Variants in GALNT13 observed in about 807,000 individuals in gnomAD.
The protein encoded by GALNT13 is UDP-GalNAc:polypeptide N-acetylgalactosaminyltransferase 13.
A neutral mutation model predicts 64.2 loss-of-function variants in GALNT13; 28 were observed. The ratio of observed to expected loss-of-function variants is 0.44; its 90% CI spans 0.32 to 0.60. The LOEUF is 0.60. Among genes scored for constraint, GALNT13 ranks in the 20% least tolerant of loss-of-function variants. The pLI is 0.05. For synonymous variants in GALNT13, 214 were observed against 224.6 expected (o/e 0.95, Z 0.42); for missense variants, 577 against 669.8 (o/e 0.86, Z 1.53).
the GALNT13 span, among the ~76,000 whole-genome samples, chr2:153,521,104 C>T: frequency 0.031 from 4,779 of 152,190 alleles, 234 homozygotes; most frequent in African/African-American, 0.11. Context: ...CACCTGAAAG[C>T]GCCATATAAA....
At chr2:154,346,141 G>A (rs986168741) in intron 9 of GALNT13, among the ~76,000 whole-genome samples, 1 of 151,688 alleles carries the variant, frequency 6.6e-6, no homozygotes, top group Non-Finnish European at 1.5e-5. Flanking sequence ...ACCTTGCTCA[G>A]TTTTAATATT....
At chr2:153,192,344 T>C in the GALNT13 span, among the ~76,000 whole-genome samples, 1 of 152,164 alleles carries the variant, frequency 6.6e-6, no homozygotes, top group South Asian at 2.1e-4. Flanking sequence ...TTATACAGTT[T>C]TCAAAGTTTC....
rs115843871 is a variant in GALNT13, at chr2:153,981,209, A to G, written c.142+36570A>G. On this transcript the variant is annotated intron_variant, in intron 3 of 12. Transcript: ENST00000392825. ...ATTGTGTTCATCCTTGTGATATTTTAGAAATATAGTTTTTTTATTATACTT... is the reference window on the plus strand; with the variant it reads ...ATTGTGTTCATCCTTGTGATATTTTGGAAATATAGTTTTTTTATTATACTT... Among the ~76,000 whole-genome samples the G allele has an allele frequency of 2.1e-3, 327 of 152,178 alleles. 1 individual carries two copies. Among genetic ancestry groups the G allele is most frequent in the African/African-American group, 7.1e-3 (294 of 41,556 alleles).
chr2:153,569,155 T>C, the GALNT13 span, among the ~76,000 whole-genome samples: 1 of 152,202 alleles, frequency 6.6e-6, no homozygotes, highest in Non-Finnish European at 1.5e-5. Flanking sequence ...TTATGTTAAA[T>C]GCTAGTAGAA....
At chr2:154,281,901 C>T (rs1436544508) in intron 8 of GALNT13, among the ~76,000 whole-genome samples, 1 of 151,730 alleles carries the variant, frequency 6.6e-6, no homozygotes, top group Admixed American at 6.6e-5. Context: ...GATTGAGAGG[C>T]ATCCTTTAAA....
chr2:154,300,122 T>G (rs1470420758), intron 8 of GALNT13, among the ~76,000 whole-genome samples: 2 of 104,488 alleles, frequency 1.9e-5, no homozygotes, highest in African/African-American at 7.0e-5. Flanking sequence ...TTTTTTGAGA[T>G]AGAGTTTCGC....
At chr2:153,323,084 A>C in the GALNT13 span, among the ~76,000 whole-genome samples, 1 of 152,202 alleles carries the variant, frequency 6.6e-6, no homozygotes, top group Non-Finnish European at 1.5e-5. Flanking sequence ...ACTGTCTTCC[A>C]CAATAGTTGA....
the GALNT13 span, among the ~76,000 whole-genome samples, chr2:153,131,381 G>A: frequency 1.7e-4 from 25 of 151,480 alleles, no homozygotes; most frequent in Non-Finnish European, 4.4e-5. Flanking sequence ...TAAATTGATG[G>A]GTGACTTCAT....
chr2:153,142,364 A>C, the GALNT13 span, among the ~76,000 whole-genome samples: 1 of 152,016 alleles, frequency 6.6e-6, no homozygotes, highest in Non-Finnish European at 1.5e-5. Flanking sequence ...TGATAAACAC[A>C]TGGAGGAAGG....
intron 11 of GALNT13, among the ~76,000 whole-genome samples, chr2:154,424,185 C>T (rs1304069496): frequency 6.6e-6 from 1 of 151,922 alleles, no homozygotes; most frequent in East Asian, 1.9e-4. Context: ...TGATGGAAAA[C>T]CTAATGAAAT....
At chr2:154,428,166 A>G (rs1700550893) in intron 11 of GALNT13, among the ~76,000 whole-genome samples, 1 of 152,170 alleles carries the variant, frequency 6.6e-6, no homozygotes. Context: ...GCAAAGGTCC[A>G]CAATGACTAA....
At chr2:153,772,252 T>A in the GALNT13 span, among the ~76,000 whole-genome samples, 1 of 152,222 alleles carries the variant, frequency 6.6e-6, no homozygotes, top group Non-Finnish European at 1.5e-5. Context: ...TCTATAAGCC[T>A]GAATTGAAAA....
chr2:153,356,267 T>G, the GALNT13 span, among the ~76,000 whole-genome samples: 1 of 152,222 alleles, frequency 6.6e-6, no homozygotes, highest in African/African-American at 2.4e-5. Context: ...TCCATTGATA[T>G]GTAGTAACGC....
At chr2:154,079,755 A>G (rs759733114) in intron 3 of GALNT13, among the ~76,000 whole-genome samples, 34 of 151,624 alleles carry the variant, frequency 2.2e-4, no homozygotes, top group Non-Finnish European at 4.7e-4. Flanking sequence ...GATATTTTTG[A>G]AATACAAAAA....
the GALNT13 span, among the ~76,000 whole-genome samples, chr2:153,219,301 CT>C: frequency 0.032 from 4,815 of 152,286 alleles, 263 homozygotes; most frequent in African/African-American, 0.11. Flanking sequence ...ACAATGTAAC[CT>C]CCCTGTGAGT....
At chr2:153,403,043 C>A in the GALNT13 span, among the ~76,000 whole-genome samples, 13 of 150,978 alleles carry the variant, frequency 8.6e-5, 1 homozygote, top group South Asian at 2.1e-3. Context: ...TCTGTTTTTT[C>A]CCCATCTTTG....
the GALNT13 span, among the ~76,000 whole-genome samples, chr2:153,284,089 A>G: frequency 1.3e-5 from 2 of 152,210 alleles, no homozygotes; most frequent in Non-Finnish European, 2.9e-5. Flanking sequence ...AGGGCAGCTC[A>G]GACTGCTGAT....
chr2:153,122,923 G>A, the GALNT13 span, among the ~76,000 whole-genome samples: 1 of 152,090 alleles, frequency 6.6e-6, no homozygotes. Flanking sequence ...GGTTATACTA[G>A]ATTAGAGTGG....
At chr2:154,289,911 T>C (rs1008958944) in intron 8 of GALNT13, among the ~76,000 whole-genome samples, 1 of 152,228 alleles carries the variant, frequency 6.6e-6, no homozygotes, top group African/African-American at 2.4e-5. Flanking sequence ...ATAATCAGAA[T>C]GCTCACTTTG....
Sources: gnomAD v4.1 joint callset for allele counts (sites outside exome capture counted in the v4.1 genomes callset) on GRCh38, gnomAD v4.1.1 for gene constraint, MANE v1.5 for transcripts, NCBI Gene and HGNC (gene_info 2026-07-23, HGNC 2026-07-21) for gene names.